Variants in WWOX observed in about 807,000 individuals in gnomAD.
The protein encoded by WWOX is WW domain containing oxidoreductase.
WWOX carries 69 observed loss-of-function variants against 46.2 expected under a neutral mutation model. That is an observed-to-expected ratio of 1.49 (90% CI 1.23 to 1.82). WWOX has a LOEUF of 1.82. Ranked by LOEUF, WWOX falls within the 40% of genes most tolerant of loss-of-function variation. The probability of loss-of-function intolerance (pLI) is 0.00; values close to 1 mark genes in which losing one functional copy is unlikely to be tolerated. For synonymous variants in WWOX, 359 were observed against 202.6 expected (o/e 1.77, Z -6.56); for missense variants, 919 against 542.6 (o/e 1.69, Z -6.89).
At chr16:78,599,080 G>T (rs926370607) in intron 8 of WWOX, among the ~76,000 whole-genome samples, 1 of 152,128 alleles carries the variant, frequency 6.6e-6, no homozygotes, top group African/African-American at 2.4e-5. Context: ...TGTCAGGAAG[G>T]TGTCCGATCA....
intron 8 of WWOX, among the ~76,000 whole-genome samples, chr16:78,548,262 C>G (rs764403751): frequency 2.0e-5 from 3 of 150,868 alleles, no homozygotes; most frequent in South Asian, 2.1e-4. Context: ...TGTTGATTCT[C>G]TTCAAAAACT....
At chr16:79,059,822 C>A (rs939181787) in intron 8 of WWOX, among the ~76,000 whole-genome samples, 2 of 152,084 alleles carry the variant, frequency 1.3e-5, no homozygotes, top group East Asian at 3.9e-4. Flanking sequence ...ACAACATTAC[C>A]CTCTTATTAC....
intron 8 of WWOX, among the ~76,000 whole-genome samples, chr16:78,950,901 A>C (rs574951619): frequency 6.6e-6 from 1 of 152,258 alleles, no homozygotes; most frequent in African/African-American, 2.4e-5. Context: ...GTGGTAGCTG[A>C]AGGCCCAAGG....
chr16:78,159,099 A>G (rs183903921), intron 4 of WWOX, among the ~76,000 whole-genome samples: 1 of 152,260 alleles, frequency 6.6e-6, no homozygotes, highest in East Asian at 1.9e-4. Flanking sequence ...TGTTGCAAAT[A>G]GCAGAATTTC....
chr16:78,534,725 T>G (rs2043716216), intron 8 of WWOX, among the ~76,000 whole-genome samples: 1 of 151,890 alleles, frequency 6.6e-6, no homozygotes, highest in Non-Finnish European at 1.5e-5. Flanking sequence ...TTTCATTTTA[T>G]TTTTTTTGAG....
At chr16:78,588,107 G>A (rs2045262634) in intron 8 of WWOX, among the ~76,000 whole-genome samples, 1 of 151,912 alleles carries the variant, frequency 6.6e-6, no homozygotes, top group Non-Finnish European at 1.5e-5. Context: ...CTTCCTGCTG[G>A]CGGGCCTTGC....
intron 8 of WWOX, among the ~76,000 whole-genome samples, chr16:79,188,493 C>T (rs761943021): frequency 3.3e-5 from 5 of 152,206 alleles, no homozygotes; most frequent in Admixed American, 6.5e-5. Context: ...AGGTTCAGCA[C>T]GCATTGCCAG....
chr16:78,887,078 G>T (rs5818188), intron 8 of WWOX, among the ~76,000 whole-genome samples: 586 of 3,156 alleles, frequency 0.19, 38 homozygotes, highest in Middle Eastern at 0.42. Flanking sequence ...TGTGTGTGTG[G>T]TGTGTGTGTG....
chr16:78,978,385 T>A (rs181773376), intron 8 of WWOX, among the ~76,000 whole-genome samples: 1 of 152,302 alleles, frequency 6.6e-6, no homozygotes, highest in East Asian at 1.9e-4. Flanking sequence ...ACGCAGTAAT[T>A]CTTTTTAACT....
chr16:78,660,566 C>G (rs2047186661), intron 8 of WWOX, among the ~76,000 whole-genome samples: 1 of 152,100 alleles, frequency 6.6e-6, no homozygotes, highest in African/African-American at 2.4e-5. Context: ...AAAGTGTTTA[C>G]TGTTTATTTG....
intron 8 of WWOX, among the ~76,000 whole-genome samples, chr16:78,640,057 G>A (rs1042780214): frequency 5.9e-5 from 9 of 152,128 alleles, no homozygotes; most frequent in Non-Finnish European, 8.8e-5. Flanking sequence ...ACACCAGGCA[G>A]ATTCATTTTC....
chr16:78,196,517 T>G (rs2036058472), intron 5 of WWOX, among the ~76,000 whole-genome samples: 1 of 152,196 alleles, frequency 6.6e-6, no homozygotes. Flanking sequence ...ATTACCCACC[T>G]AGCCTCTTAT....
chr16:78,172,429 G>A (rs2151744397), intron 5 of WWOX, among the ~76,000 whole-genome samples: 1 of 152,170 alleles, frequency 6.6e-6, no homozygotes. Context: ...GACATAATCG[G>A]TTGCTAAAAT....
At chr16:78,528,501 T>A (rs528910468) in intron 8 of WWOX, among the ~76,000 whole-genome samples, 1 of 152,154 alleles carries the variant, frequency 6.6e-6, no homozygotes, top group Non-Finnish European at 1.5e-5. Context: ...TGATTCATGA[T>A]GACTTTAAAA....
chr16:78,976,291 A>G (rs939489581), intron 8 of WWOX, among the ~76,000 whole-genome samples: 7 of 152,168 alleles, frequency 4.6e-5, no homozygotes, highest in Non-Finnish European at 5.9e-5. Flanking sequence ...CTTCTTTCTG[A>G]TCTTTATTTC....
At chr16:78,641,277 C>G (rs575100878) in intron 8 of WWOX, among the ~76,000 whole-genome samples, 5 of 151,976 alleles carry the variant, frequency 3.3e-5, no homozygotes, top group African/African-American at 9.7e-5. Context: ...GCCCCCAGAC[C>G]GGAGCCACAA....
chr16:78,413,766 G>C lies in WWOX; in HGVS notation c.606-11104G>C, dbSNP rs555863739. 2.6e-5 allele frequency among the ~76,000 whole-genome samples: 4 copies of C among 152,148 alleles called. No individual in the cohort carries two copies. The East Asian group carries it at 5.9e-4, about 22-fold the overall frequency. The stretch of plus-strand genomic sequence containing the variant: ...AAAGGTGCCCTCCTGTGCTGACTCA[G>C]TTCCTGGGTGGGGGCCAAAGGACTG... On this transcript the variant is annotated intron_variant, in intron 6 of 8. Coordinates refer to ENST00000566780, the MANE Select transcript of WWOX (RefSeq NM_016373.4).
At chr16:79,119,654 G>A (rs570851581) in intron 8 of WWOX, among the ~76,000 whole-genome samples, 15 of 152,328 alleles carry the variant, frequency 9.8e-5, no homozygotes, top group African/African-American at 2.9e-4. Flanking sequence ...GTCCAGCCAC[G>A]AAGAGAACGG....
At chr16:78,455,911 G>T (rs959161277) in intron 8 of WWOX, among the ~76,000 whole-genome samples, 2 of 152,124 alleles carry the variant, frequency 1.3e-5, no homozygotes, top group South Asian at 2.1e-4. Context: ...ACTAGTATTT[G>T]TGTTAACATT....
Sources: gnomAD v4.1 joint callset for allele counts (sites outside exome capture counted in the v4.1 genomes callset) on GRCh38, gnomAD v4.1.1 for gene constraint, MANE v1.5 for transcripts, NCBI Gene and HGNC (gene_info 2026-07-23, HGNC 2026-07-21) for gene names.